ERCC6L2: variants seen among roughly 807,000 people sequenced by gnomAD.
The protein encoded by ERCC6L2 is ERCC excision repair 6 like 2.
In ERCC6L2, 77 loss-of-function variants were observed where a neutral mutation model predicts 132.0. That is an observed-to-expected ratio of 0.58 (90% CI 0.49 to 0.71). The LOEUF is 0.71. Among genes scored for constraint, ERCC6L2 ranks in the 30% least tolerant of loss-of-function variants. The pLI, the probability that ERCC6L2 is intolerant of heterozygous loss-of-function variation, is 0.00. For missense variants in ERCC6L2, 1,542 were observed against 1,837.6 expected (o/e 0.84, Z 2.94); for synonymous variants, 583 against 632.4 (o/e 0.92, Z 1.17).
chr9:95,895,186 G>A (rs1009969917), intron 2 of ERCC6L2, among the ~76,000 whole-genome samples: 1 of 152,032 alleles, frequency 6.6e-6, no homozygotes, highest in Admixed American at 6.5e-5. Flanking sequence ...AAGTTAAAGT[G>A]TGCCTCTTTA....
At chr9:95,876,805 T>G (rs534604455) in intron 1 of ERCC6L2, 5 of 152,328 alleles carry the variant, frequency 3.3e-5, no homozygotes, top group African/African-American at 1.2e-4. Context: ...AGAGCTAAAG[T>G]TCAGAGAGGG....
intron 17 of ERCC6L2, among the ~76,000 whole-genome samples, chr9:95,979,126 A>G (rs1832789925): frequency 6.6e-6 from 1 of 152,216 alleles, no homozygotes; most frequent in Non-Finnish European, 1.5e-5. Flanking sequence ...CTACCCAGAT[A>G]TTATATTAAA....
intron 12 of ERCC6L2, among the ~76,000 whole-genome samples, chr9:95,949,103 AC>A (rs781238582): frequency 1.3e-5 from 2 of 152,192 alleles, no homozygotes; most frequent in Non-Finnish European, 2.9e-5. Context: ...TGAAAAATTC[AC>A]TAGAGGAGTT....
chr9:96,013,083 C>T lies in ERCC6L2; in HGVS notation c.4533C>T (p.Pro1511=). ...TLCEKAPLAA[P]FKRREEPATS... ...GTGAAAAAGCACCTCTAGCAGCACC[C>T]TTTAAAAGGAGAGAAGAGCCAGCAA... Residue 1511 remains proline, a synonymous_variant, in exon 19 of 19, where the codon CCC becomes CCT. Coordinates refer to ENST00000653738, the MANE Select transcript of ERCC6L2 (RefSeq NM_020207.7). 1 of 1,367,602 alleles carries T rather than the reference C, an allele frequency of 7.3e-7. No homozygotes were observed. Among genetic ancestry groups the T allele is most frequent in the Non-Finnish European group, 9.8e-7 (1 of 1,021,856 alleles). 84.7% of individuals were successfully genotyped at this position (1,367,602 alleles called of 1,614,324 possible).
intron 1 of ERCC6L2, among the ~76,000 whole-genome samples, chr9:95,877,393 C>T (rs1423893897): frequency 6.6e-6 from 1 of 151,972 alleles, no homozygotes; most frequent in African/African-American, 2.4e-5. Context: ...TCTTAGACCC[C>T]TTTCCCTTTT....
At chr9:96,037,017 C>T (rs938803780) in intron 19 of ERCC6L2, among the ~76,000 whole-genome samples, 5 of 152,002 alleles carry the variant, frequency 3.3e-5, no homozygotes, top group East Asian at 1.9e-4. Flanking sequence ...CCGCCCGCCT[C>T]GGCCTCCCAA....
At chr9:95,948,542 A>G (rs947744217) in intron 12 of ERCC6L2, among the ~76,000 whole-genome samples, 11 of 151,940 alleles carry the variant, frequency 7.2e-5, no homozygotes, top group African/African-American at 2.7e-4. Context: ...GGTCCCAGCT[A>G]CTCAGGAGGC....
At chr9:95,965,309 A>G (rs1429791790) in intron 13 of ERCC6L2, among the ~76,000 whole-genome samples, 1 of 152,216 alleles carries the variant, frequency 6.6e-6, no homozygotes, top group African/African-American at 2.4e-5. Flanking sequence ...CTTTATTTTT[A>G]AAATACAGAA....
chr9:95,932,736 C>G (rs1448979246), intron 11 of ERCC6L2, among the ~76,000 whole-genome samples: 1 of 152,074 alleles, frequency 6.6e-6, no homozygotes, highest in African/African-American at 2.4e-5. Flanking sequence ...GTTTGTAGAA[C>G]ATTAAGATGT....
In ERCC6L2 at chr9:95,875,958, C is replaced by T. The variant is rs761797983; in HGVS notation, c.-81C>T. ...CGGAAGTGGCGTTGGCCGCCATTGGCCTGCCGGCCAGCCACCTTGCTGTCC... is the reference window on the plus strand; with the variant it reads ...CGGAAGTGGCGTTGGCCGCCATTGGTCTGCCGGCCAGCCACCTTGCTGTCC... On this transcript the variant is annotated 5_prime_UTR_variant, in exon 1 of 19. Transcript: ENST00000653738. The T allele has an allele frequency of 4.7e-6, 7 of 1,484,780 alleles. No individual in the cohort carries two copies. Among genetic ancestry groups the T allele is most frequent in the Non-Finnish European group, 5.5e-6 (6 of 1,095,296 alleles). The allele number at this position is 1,484,780 out of a possible 1,614,324, so 92.0% of individuals were successfully genotyped here.
At position 95,970,561 on chromosome 9, in the gene ERCC6L2, T is replaced by C. The variant is rs1377183947; in HGVS notation, c.2101-15T>C. 3.1e-6 allele frequency: 4 copies of C among 1,298,952 alleles called. No homozygotes were observed. Among genetic ancestry groups the C allele is most frequent in the Non-Finnish European group, 4.1e-6 (4 of 985,150 alleles). 80.5% of individuals were successfully genotyped at this position (1,298,952 alleles called of 1,614,324 possible). ...GTTGCATAGCTATTTGCATTCTTTC[T>C]TACTGACATTATAGAGAGAAGGCCA... is the stretch of plus-strand genomic sequence containing the variant. On this transcript the variant is annotated splice_polypyrimidine_tract_variant and intron_variant, in intron 14 of 18. Transcript: ENST00000653738.
chr9:95,959,380 C>T (rs894410456), intron 13 of ERCC6L2, among the ~76,000 whole-genome samples: 2 of 151,718 alleles, frequency 1.3e-5, no homozygotes, highest in Non-Finnish European at 1.5e-5. Context: ...AAAATTAATT[C>T]AAGATGGATT....
chr9:95,933,329 A>G (rs1042123411), intron 11 of ERCC6L2, among the ~76,000 whole-genome samples: 1 of 152,010 alleles, frequency 6.6e-6, no homozygotes, highest in African/African-American at 2.4e-5. Flanking sequence ...ATCCCACCTC[A>G]TTCTTTTCTT....
rs1827552059 is a variant in ERCC6L2 at position 95,880,883 on chromosome 9, G to A, written c.61G>A (p.Gly21Arg). The change falls in exon 2 of 19, where the codon GGA (glycine) becomes AGA (arginine). Residue 21 changes from glycine (G) to arginine (R), a missense_variant. Transcript: ENST00000653738. ...ETSGKDIWHPGERCLAPSPDN... is the reference protein window; with the variant it reads ...ETSGKDIWHPRERCLAPSPDN... Reference sequence around the variant, plus strand: ...TATTCTTGCAGACATATGGCATCCAGGAGAAAGATGTCTTGCCCCTTCTCC... The same window carrying A: ...TATTCTTGCAGACATATGGCATCCAAGAGAAAGATGTCTTGCCCCTTCTCC... 6 of 1,607,678 alleles carry A rather than the reference G, an allele frequency of 3.7e-6. No individual in the cohort carries two copies. The highest frequency in any genetic ancestry group is 5.1e-6 in the Non-Finnish European group (6 of 1,177,022).
chr9:95,907,495 G>A (rs994518459), intron 4 of ERCC6L2, among the ~76,000 whole-genome samples: 5 of 151,678 alleles, frequency 3.3e-5, no homozygotes, highest in Non-Finnish European at 5.9e-5. Context: ...GTGAGCCACC[G>A]TGCCAAGCCT....
chr9:95,969,429 G>A (rs1488985248), intron 14 of ERCC6L2, among the ~76,000 whole-genome samples: 1 of 152,138 alleles, frequency 6.6e-6, no homozygotes, highest in African/African-American at 2.4e-5. Flanking sequence ...CATGAGAAGT[G>A]GCTGGATGCT....
In ERCC6L2 at chr9:96,006,774, CAAT is replaced by C. The variant is rs76978398; in HGVS notation, c.3674+2074_3674+2076del. ...CACAGGCACAGATGTGACATTTTCT[CAAT>C]GAGTTGAGAACTGAAGCCATAAGTT... On this transcript the variant is annotated intron_variant, in intron 18 of 18. Coordinates refer to ENST00000653738, the MANE Select transcript of ERCC6L2 (RefSeq NM_020207.7). Among the ~76,000 whole-genome samples, 352 of 152,110 alleles carry C rather than the reference CAAT, an allele frequency of 2.3e-3. 3 individuals carry two copies. The highest frequency in any genetic ancestry group is 0.014 in the East Asian group (72 of 5,156).
chr9:95,942,343 A>C (rs1186069462), intron 12 of ERCC6L2, among the ~76,000 whole-genome samples: 1 of 152,208 alleles, frequency 6.6e-6, no homozygotes, highest in African/African-American at 2.4e-5. Flanking sequence ...TAATAAAATT[A>C]ACCTAGCAAG....
chr9:96,039,271 G>A (rs74774572), intron 20 of ERCC6L2, among the ~76,000 whole-genome samples: 12,589 of 152,236 alleles, frequency 0.083, 594 homozygotes, highest in Admixed American at 0.1. Context: ...TTGGGCAGGC[G>A]AGCCCCAGCC....
Sources: gnomAD v4.1 joint callset for allele counts (sites outside exome capture counted in the v4.1 genomes callset) on GRCh38, gnomAD v4.1.1 for gene constraint, MANE v1.5 for transcripts, NCBI Gene and HGNC (gene_info 2026-07-23, HGNC 2026-07-21) for gene names.